Variants in CHMP6 observed in about 807,000 individuals in gnomAD.
CHMP6 encodes charged multivesicular body protein 6, also known as chromatin-modifying protein 6.
CHMP6 carries 10 observed loss-of-function variants against 32.8 expected under a neutral mutation model. The ratio of observed to expected loss-of-function variants is 0.30; its 90% CI spans 0.19 to 0.52. The LOEUF is 0.52. Among genes scored for constraint, CHMP6 ranks in the 20% least tolerant of loss-of-function variants. The pLI is 0.97. For synonymous variants in CHMP6, 123 were observed against 105.8 expected (o/e 1.16, Z -1.00); for missense variants, 269 against 263.8 (o/e 1.02, Z -0.14).
At chr17:80,992,048 G>C (rs1598437809) in intron 1 of CHMP6, 67 bp downstream of exon 1, 1 of 1,162,424 alleles carries the variant, frequency 8.6e-7, no homozygotes, top group Non-Finnish European at 1.1e-6. Context: ...CGGGCGGCGG[G>C]GCCGGAAGAG....
At position 80,995,033 on chromosome 17, in the gene CHMP6, T is replaced by C. The variant is rs751446580; in HGVS notation, c.188T>C (p.Leu63Pro). Residue 63 changes from leucine (L) to proline (P), a missense_variant, in exon 3 of 8, where the codon CTG becomes CCG. Transcript: ENST00000325167. ...RDGRKERAKL[L>P]LKKKRYQEQL... ...TCCCTCTGCAGACGGGCCAAGCTGC[T>C]GCTCAAGAAGAAGCGATACCAGGAG... The C allele has an allele frequency of 1.9e-6, 3 of 1,597,384 alleles. No individual in the cohort carries two copies. Among genetic ancestry groups the C allele is most frequent in the Admixed American group, 3.5e-5 (2 of 56,556 alleles).
chr17:80,992,031 G>T, intron 1 of CHMP6, 50 bp downstream of exon 1: 3 of 1,264,260 alleles, frequency 2.4e-6, no homozygotes, highest in Non-Finnish European at 2.0e-6. Context: ...AGGCGACGGG[G>T]CCGGGGCGGG....
Position 80,998,492 on chromosome 17 carries a change from A to C in CHMP6, c.550+72A>C, listed in dbSNP as rs533888039. The C allele has an allele frequency of 1.4e-4, 224 of 1,612,850 alleles. 3 individuals are homozygous for C. In the South Asian group the frequency reaches 1.7e-3, roughly 12 times the overall value. On this transcript the variant is annotated intron_variant, in intron 7 of 7. Coordinates refer to ENST00000325167, the MANE Select transcript of CHMP6 (RefSeq NM_024591.5). ...AAAGTGGATTCTAGAAGGGAACAAGACAGAATGCTCCCAGGCCTTCCTGGG... is the reference window on the plus strand; with the variant it reads ...AAAGTGGATTCTAGAAGGGAACAAGCCAGAATGCTCCCAGGCCTTCCTGGG...
Position 80,998,372 on chromosome 17 carries a change from A to G in CHMP6, c.502A>G (p.Ile168Val), listed in dbSNP as rs1403087858. 3 of 1,614,082 alleles carry G rather than the reference A, an allele frequency of 1.9e-6. No homozygotes were observed. Among genetic ancestry groups the G allele is most frequent in the Non-Finnish European group, 2.5e-6 (3 of 1,180,016 alleles). ...EELSAITQEQ[I>V]ELPEVPSEPL... The stretch of plus-strand genomic sequence containing the variant: ...TACCCTTTGCTTCTTGCAGGAACAA[A>G]TAGAGCTGCCAGAGGTTCCCTCCGA... The change falls in exon 7 of 8, where the codon ATA (isoleucine) becomes GTA (valine). Residue 168 changes from isoleucine (I) to valine (V), a missense_variant. Coordinates refer to ENST00000325167, the MANE Select transcript of CHMP6 (RefSeq NM_024591.5).
At chr17:80,997,686 G>A (rs573404434) in intron 6 of CHMP6, among the ~76,000 whole-genome samples, 4 of 152,086 alleles carry the variant, frequency 2.6e-5, no homozygotes, top group South Asian at 2.1e-4. Flanking sequence ...TGCGGGGGCC[G>A]CGTCCTGGCC....
chr17:80,995,895 G>A (rs2069633926), intron 4 of CHMP6, 137 bp downstream of exon 4: 1 of 726,130 alleles, frequency 1.4e-6, no homozygotes, highest in Non-Finnish European at 2.3e-6. Context: ...TGTGTTGGGT[G>A]CTGCCAGGCA....
At chr17:80,993,026 G>A (rs1363428767) in intron 1 of CHMP6, among the ~76,000 whole-genome samples, 1 of 152,226 alleles carries the variant, frequency 6.6e-6, no homozygotes, top group Admixed American at 6.5e-5. Context: ...CGAGCTGCCT[G>A]CAAGACAGCT....
Position 80,997,615 on chromosome 17 carries a change from G to A in CHMP6, c.495+274G>A, listed in dbSNP as rs1458819962. ...GCCCCTTTCTGTCCCCGGCTGTCAC[G>A]GATGTGGTGCTGGCTTTCCCCAGCC... On this transcript the variant is annotated intron_variant, in intron 6 of 7. Transcript: ENST00000325167. Among the ~76,000 whole-genome samples the A allele has an allele frequency of 2.6e-5, 4 of 152,092 alleles. No homozygotes were observed. The East Asian group carries it at 5.8e-4, about 22-fold the overall frequency.
chr17:80,998,850 C>A (rs1333423404), intron 7 of CHMP6, among the ~76,000 whole-genome samples: 1 of 152,210 alleles, frequency 6.6e-6, no homozygotes, highest in Non-Finnish European at 1.5e-5. Context: ...ATCTTTGGGG[C>A]TCTTCTCCTC....
chr17:80,992,405 C>T (rs2069600701), intron 1 of CHMP6, among the ~76,000 whole-genome samples: 2 of 152,330 alleles, frequency 1.3e-5, no homozygotes, highest in Admixed American at 1.3e-4. Flanking sequence ...CGCCCCCGTC[C>T]CGCGGCTCAT....
In CHMP6 at chr17:80,999,532, G is replaced by A. The variant is rs750148029; in HGVS notation, c.*379G>A. The A allele has an allele frequency of 1.9e-4, 40 of 215,324 alleles. No individual in the cohort carries two copies. The highest frequency in any genetic ancestry group is 3.5e-4 in the Non-Finnish European group (37 of 106,992). 13.3% of individuals were successfully genotyped at this position (215,324 alleles called of 1,614,324 possible). ...CACCTCCAGACCTTGGGGTCCCCGC[G>A]CTTCCTCTTGCTCCTCGCTGCTCCC... On this transcript the variant is annotated 3_prime_UTR_variant, in exon 8 of 8. Transcript: ENST00000325167.
chr17:80,997,087 G>T lies in CHMP6; in HGVS notation c.414+15G>T. On this transcript the variant is annotated intron_variant, in intron 5 of 7. Transcript: ENST00000325167. ...AGTACCAGCGGGTAGGTGGCACCCT[G>T]ACCGGCCTGCCCCCAACTGTGAGAA... The T allele has an allele frequency of 6.2e-7, 1 of 1,612,726 alleles. No homozygotes were observed. Among genetic ancestry groups the T allele is most frequent in the South Asian group, 1.1e-5 (1 of 90,896 alleles).
chr17:80,994,127 G>A (rs1442295415), intron 1 of CHMP6, among the ~76,000 whole-genome samples: 1 of 152,196 alleles, frequency 6.6e-6, no homozygotes, highest in Non-Finnish European at 1.5e-5. Context: ...TGTTAGCCAG[G>A]ATGGTCTCGA....
Position 80,999,263 on chromosome 17 carries a change from G to A in CHMP6, c.*110G>A. 2 of 1,258,168 alleles carry A rather than the reference G, an allele frequency of 1.6e-6. No homozygotes were observed. The highest frequency in any genetic ancestry group is 2.3e-6 in the Non-Finnish European group (2 of 871,184). 77.9% of individuals were successfully genotyped at this position (1,258,168 alleles called of 1,614,324 possible). A position where few individuals can be genotyped will look rare whatever the true frequency, so the allele number is the denominator to read the frequency against. On this transcript the variant is annotated 3_prime_UTR_variant, in exon 8 of 8. Transcript: ENST00000325167. ...GGTTCCCTGGAGCCCAGTGCGCACG[G>A]TGCTGAGCAGAGCTGCAGCCACGCA...
In CHMP6 at chr17:80,997,243, C is replaced by T. The variant is rs200103843; in HGVS notation, c.415-18C>T. 2.5e-6 allele frequency: 4 copies of T among 1,611,262 alleles called. No individual in the cohort carries two copies. In the African/African-American group the frequency reaches 4.0e-5, roughly 16 times the overall value. On this transcript the variant is annotated intron_variant, in intron 5 of 7. Transcript: ENST00000325167. Reference sequence around the variant, plus strand: ...GGCCACCTCCTCGCTGCTCTCACCACCGCCTGTCCTTTTGCAGCAAATAGA... The same window carrying T: ...GGCCACCTCCTCGCTGCTCTCACCATCGCCTGTCCTTTTGCAGCAAATAGA...
rs1192021827 is a variant in CHMP6, at chr17:80,995,116, C to T, written c.261+10C>T. 12 of 1,592,080 alleles carry T rather than the reference C, an allele frequency of 7.5e-6. No homozygotes were observed. Among genetic ancestry groups the T allele is most frequent in the East Asian group, 2.3e-5 (1 of 44,058 alleles). Reference sequence around the variant, plus strand: ...CAGCCTGGAGGCCATGGTAGGCGGCCGGGTGCTTCGCCCTGGAGTGCAGGT... The same window carrying T: ...CAGCCTGGAGGCCATGGTAGGCGGCTGGGTGCTTCGCCCTGGAGTGCAGGT... On this transcript the variant is annotated intron_variant, in intron 3 of 7. Transcript: ENST00000325167.
chr17:80,997,593 C>T (rs748969084), intron 6 of CHMP6, among the ~76,000 whole-genome samples: 1 of 152,130 alleles, frequency 6.6e-6, no homozygotes, highest in Non-Finnish European at 1.5e-5. Flanking sequence ...CGCCTCGGCC[C>T]CTTTCTGTCC....
rs1026915775 is a variant in CHMP6, at chr17:80,999,577, C to T, written c.*424C>T. On this transcript the variant is annotated 3_prime_UTR_variant, in exon 8 of 8. Coordinates refer to ENST00000325167, the MANE Select transcript of CHMP6 (RefSeq NM_024591.5). The stretch of plus-strand genomic sequence containing the variant: ...GCTCCCATTAGCTGGTGCAGGCTTC[C>T]GTTAAGGGGTCCCTCCCTTGGCCTG... 3.0e-5 allele frequency: 5 copies of T among 167,898 alleles called. No homozygotes were observed. Among genetic ancestry groups the T allele is most frequent in the South Asian group, 1.5e-4 (1 of 6,668 alleles). The allele number at this position is 167,898 out of a possible 1,614,324, so 10.4% of individuals were successfully genotyped here.
rs1598437744 is a variant in CHMP6, at chr17:80,991,914, C to G, written c.-5C>G. On this transcript the variant is annotated 5_prime_UTR_variant, in exon 1 of 8. Transcript: ENST00000325167. ...GTGGGTCCCGGGCCAGGGGCGGGCG[C>G]CGCCATGGGTAACCTGTTCGGCCGC... 2.7e-6 allele frequency: 4 copies of G among 1,455,670 alleles called. No individual in the cohort carries two copies. The highest frequency in any genetic ancestry group is 2.6e-5 in the South Asian group (2 of 76,878). The allele number at this position is 1,455,670 out of a possible 1,614,324, so 90.2% of individuals were successfully genotyped here.
Sources: gnomAD v4.1 joint callset for allele counts (sites outside exome capture counted in the v4.1 genomes callset) on GRCh38, gnomAD v4.1.1 for gene constraint, MANE v1.5 for transcripts, NCBI Gene and HGNC (gene_info 2026-07-23, HGNC 2026-07-21) for gene names.